The following GALNT17 variants were observed in gnomAD, a reference collection of about 807,000 sequenced individuals.
The protein encoded by GALNT17 is polypeptide N-acetylgalactosaminyltransferase 17, also known as UDP-GalNAc:polypeptide N-acetylgalactosaminyltransferase-like 3.
A neutral mutation model predicts 63.7 loss-of-function variants in GALNT17; 29 were observed. The observed-to-expected ratio is 0.46, with a 90% CI of 0.34 to 0.62. The LOEUF is 0.62. Ranked by LOEUF, GALNT17 falls within the 20% of genes least tolerant of loss-of-function variation. The probability of loss-of-function intolerance (pLI) is 0.01; values close to 1 mark genes in which losing one functional copy is unlikely to be tolerated. For synonymous variants in GALNT17, 305 were observed against 318.3 expected (o/e 0.96, Z 0.45); for missense variants, 603 against 799.6 (o/e 0.75, Z 2.97).
intron 1 of GALNT17, among the ~76,000 whole-genome samples, chr7:71,226,078 A>G (rs372444980): frequency 2.0e-5 from 3 of 152,330 alleles, no homozygotes; most frequent in East Asian, 1.9e-4. Context: ...GATCAAAGCT[A>G]TATGGTTTAT....
intron 1 of GALNT17, among the ~76,000 whole-genome samples, chr7:71,283,035 C>T (rs1028757631): frequency 1.3e-5 from 2 of 151,962 alleles, no homozygotes; most frequent in Non-Finnish European, 2.9e-5. Context: ...CACTGCCACT[C>T]GTTTTTTAAT....
chr7:71,434,881 A>G (rs1786930432), intron 5 of GALNT17, among the ~76,000 whole-genome samples: 1 of 152,204 alleles, frequency 6.6e-6, no homozygotes, highest in South Asian at 2.1e-4. Flanking sequence ...GGAGAGATAG[A>G]TGGTAAAAAA....
chr7:71,230,317 G>A (rs1454009327), intron 1 of GALNT17, among the ~76,000 whole-genome samples: 1 of 152,150 alleles, frequency 6.6e-6, no homozygotes, highest in Non-Finnish European at 1.5e-5. Flanking sequence ...CCAAGAATTT[G>A]GGAAGGAGCT....
intron 1 of GALNT17, among the ~76,000 whole-genome samples, chr7:71,178,525 A>G (rs967996082): frequency 6.6e-6 from 1 of 152,090 alleles, no homozygotes; most frequent in Non-Finnish European, 1.5e-5. Flanking sequence ...ATATAAGTGT[A>G]TTGAATGGAC....
intron 1 of GALNT17, among the ~76,000 whole-genome samples, chr7:71,236,617 G>A (rs1789896284): frequency 6.6e-6 from 1 of 152,142 alleles, no homozygotes; most frequent in Non-Finnish European, 1.5e-5. Context: ...ACGGGCTGGT[G>A]TTCCCTCTGC....
chr7:71,132,712 T>G lies in GALNT17; in HGVS notation c.-91T>G. 1.9e-6 allele frequency: 2 copies of G among 1,079,866 alleles called. No individual in the cohort carries two copies. Among genetic ancestry groups the G allele is most frequent in the Non-Finnish European group, 2.6e-6 (2 of 761,224 alleles). 66.9% of individuals were successfully genotyped at this position (1,079,866 alleles called of 1,614,324 possible). A position where few individuals can be genotyped will look rare whatever the true frequency, so the allele number is the denominator to read the frequency against. ...GCTTGGATCCCTGCCGGCCGTCTGG[T>G]GTGTGAGGCTTGCACGGCCCCTGGC... On this transcript the variant is annotated 5_prime_UTR_variant, in exon 1 of 11. Transcript: ENST00000333538.
intron 9 of GALNT17, among the ~76,000 whole-genome samples, chr7:71,698,952 G>C (rs112802856): frequency 1.3e-5 from 2 of 150,558 alleles, no homozygotes; most frequent in African/African-American, 4.9e-5. Flanking sequence ...GGGGCAGATT[G>C]CCAGAACTCA....
chr7:71,151,534 T>A (rs927063768), intron 1 of GALNT17, among the ~76,000 whole-genome samples: 1 of 149,870 alleles, frequency 6.7e-6, no homozygotes, highest in African/African-American at 2.5e-5. Context: ...GGCAGGAGAA[T>A]GGCGTGAACC....
intron 1 of GALNT17, among the ~76,000 whole-genome samples, chr7:71,276,747 C>T (rs1208636542): frequency 1.3e-5 from 2 of 152,122 alleles, no homozygotes; most frequent in Admixed American, 1.3e-4. Context: ...CCTGTAATCC[C>T]AGCACTTTGG....
intron 4 of GALNT17, among the ~76,000 whole-genome samples, chr7:71,418,838 T>A (rs529846504): frequency 6.6e-6 from 1 of 152,280 alleles, no homozygotes; most frequent in East Asian, 1.9e-4. Flanking sequence ...CGTGGTGGCT[T>A]ACACCTCTCA....
chr7:71,405,745 G>A (rs2116401487), intron 3 of GALNT17, among the ~76,000 whole-genome samples: 1 of 152,182 alleles, frequency 6.6e-6, no homozygotes, highest in Middle Eastern at 3.4e-3. Flanking sequence ...GGCCTCTTTT[G>A]TAAGGACACT....
chr7:71,383,010 C>T (rs1792874887), intron 2 of GALNT17, among the ~76,000 whole-genome samples: 1 of 152,124 alleles, frequency 6.6e-6, no homozygotes, highest in Non-Finnish European at 1.5e-5. Flanking sequence ...ATTTCCCATT[C>T]CCCCTTCCCT....
chr7:71,258,240 C>A (rs1790322758), intron 1 of GALNT17, among the ~76,000 whole-genome samples: 1 of 152,224 alleles, frequency 6.6e-6, no homozygotes, highest in African/African-American at 2.4e-5. Context: ...TCTGTGTCAA[C>A]AAGAAGCATT....
intron 6 of GALNT17, among the ~76,000 whole-genome samples, chr7:71,642,814 A>G (rs1160695878): frequency 1.3e-5 from 2 of 151,128 alleles, no homozygotes; most frequent in African/African-American, 4.9e-5. Context: ...CAGCCTGGGC[A>G]ATGGAGTGAG....
At chr7:71,251,775 C>T (rs1405090237) in intron 1 of GALNT17, among the ~76,000 whole-genome samples, 6 of 152,166 alleles carry the variant, frequency 3.9e-5, no homozygotes. Context: ...GATAGTGGCT[C>T]CAGACAAGCT....
At chr7:71,588,176 A>T (rs1374689484) in intron 6 of GALNT17, among the ~76,000 whole-genome samples, 1 of 152,146 alleles carries the variant, frequency 6.6e-6, no homozygotes, top group Non-Finnish European at 1.5e-5. Flanking sequence ...GTAAATCATT[A>T]TTTCATACTA....
intron 1 of GALNT17, among the ~76,000 whole-genome samples, chr7:71,201,857 T>C (rs1206532018): frequency 6.6e-6 from 1 of 152,158 alleles, no homozygotes; most frequent in Non-Finnish European, 1.5e-5. Flanking sequence ...GGTCTCAATT[T>C]CTTGACCTCA....
At chr7:71,629,723 A>G (rs1035724058) in intron 6 of GALNT17, among the ~76,000 whole-genome samples, 7 of 152,136 alleles carry the variant, frequency 4.6e-5, no homozygotes, top group Non-Finnish European at 1.0e-4. Flanking sequence ...GCCTCAAGCA[A>G]TCCCCCTGCC....
At chr7:71,404,771 A>G (rs2116398919) in intron 3 of GALNT17, among the ~76,000 whole-genome samples, 1 of 152,310 alleles carries the variant, frequency 6.6e-6, no homozygotes, top group East Asian at 1.9e-4. Flanking sequence ...GAGGCCCAAA[A>G]GATTCCCTGG....
Sources: gnomAD v4.1 joint callset for allele counts (sites outside exome capture counted in the v4.1 genomes callset) on GRCh38, gnomAD v4.1.1 for gene constraint, MANE v1.5 for transcripts, NCBI Gene and HGNC (gene_info 2026-07-23, HGNC 2026-07-21) for gene names.